The following COL19A1 variants were observed in gnomAD, a reference collection of about 807,000 sequenced individuals.
COL19A1 encodes the protein collagen alpha-1(XIX) chain.
In COL19A1, 159 loss-of-function variants were observed where a neutral mutation model predicts 190.2. That is an observed-to-expected ratio of 0.84 (90% CI 0.73 to 0.95). COL19A1 has a LOEUF of 0.95. Ranked by LOEUF, COL19A1 falls within the 40% of genes least tolerant of loss-of-function variation. COL19A1 has a pLI of 0.00. For synonymous variants in COL19A1, 509 were observed against 458.9 expected (o/e 1.11, Z -1.39); for missense variants, 1,418 against 1,431.9 (o/e 0.99, Z 0.16).
chr6:70,178,390 A>C (rs1765947672), intron 42 of COL19A1, among the ~76,000 whole-genome samples: 1 of 152,194 alleles, frequency 6.6e-6, no homozygotes. Flanking sequence ...AATAAAATAA[A>C]ATAAAAGCAC....
intron 2 of COL19A1, among the ~76,000 whole-genome samples, chr6:69,897,813 C>A (rs1769894769): frequency 6.6e-6 from 1 of 152,142 alleles, no homozygotes; most frequent in Non-Finnish European, 1.5e-5. Context: ...TAAGTAATAT[C>A]TAAAAGTACT....
At chr6:70,110,005 C>T (rs917313752) in intron 16 of COL19A1, among the ~76,000 whole-genome samples, 7 of 152,104 alleles carry the variant, frequency 4.6e-5, no homozygotes, top group Non-Finnish European at 1.0e-4. Context: ...GAGTATCTTC[C>T]GTCTCCAACT....
intron 12 of COL19A1, among the ~76,000 whole-genome samples, chr6:70,029,365 T>C (rs1778900968): frequency 6.6e-6 from 1 of 152,186 alleles, no homozygotes; most frequent in African/African-American, 2.4e-5. Context: ...TCTTCAGCTT[T>C]TGTCTTGCCT....
At chr6:70,146,305 C>T (rs1038019355) in intron 25 of COL19A1, among the ~76,000 whole-genome samples, 2 of 152,220 alleles carry the variant, frequency 1.3e-5, no homozygotes, top group South Asian at 4.1e-4. Context: ...GTGACCCAGA[C>T]TATTCCCAGG....
At chr6:69,936,079 C>A (rs16868370) in intron 7 of COL19A1, among the ~76,000 whole-genome samples, 2,326 of 152,142 alleles carry the variant, frequency 0.015, 62 homozygotes, top group African/African-American at 0.046. Flanking sequence ...AAGTCTGGTA[C>A]ATGATGTTGA....
intron 5 of COL19A1, 134 bp from the exon 6 acceptor site, chr6:69,929,291 A>T: frequency 2.4e-6 from 2 of 840,990 alleles, no homozygotes; most frequent in Non-Finnish European, 3.6e-6. Flanking sequence ...AACCTGGTGG[A>T]CACAAGTGTC....
At chr6:70,023,133 A>ATTT (rs11383774) in intron 11 of COL19A1, among the ~76,000 whole-genome samples, 3 of 110,100 alleles carry the variant, frequency 2.7e-5, no homozygotes, top group Non-Finnish European at 4.0e-5. Context: ...TTATGCAGCT[A>ATTT]TTTTTTTTTT....
intron 14 of COL19A1, among the ~76,000 whole-genome samples, chr6:70,042,758 A>G (rs1394804462): frequency 6.6e-6 from 1 of 152,206 alleles, no homozygotes; most frequent in Non-Finnish European, 1.5e-5. Flanking sequence ...TATCAACTAA[A>G]TATATATAAT....
At chr6:70,067,525 A>G (rs1245679575) in intron 14 of COL19A1, among the ~76,000 whole-genome samples, 1 of 152,046 alleles carries the variant, frequency 6.6e-6, no homozygotes, top group Non-Finnish European at 1.5e-5. Flanking sequence ...GATGCCTGTG[A>G]GGTAGCAGTG....
intron 11 of COL19A1, among the ~76,000 whole-genome samples, chr6:70,000,309 A>G (rs1252698449): frequency 6.6e-6 from 1 of 152,182 alleles, no homozygotes; most frequent in African/African-American, 2.4e-5. Flanking sequence ...TGCTACTGTA[A>G]GTAGTGCTGC....
intron 40 of COL19A1, among the ~76,000 whole-genome samples, chr6:70,169,511 A>C (rs1008327101): frequency 6.6e-6 from 1 of 152,190 alleles, no homozygotes; most frequent in African/African-American, 2.4e-5. Flanking sequence ...TAAATTTTAA[A>C]CCAGCAAAGG....
At chr6:69,910,646 A>T (rs1770851213) in intron 4 of COL19A1, among the ~76,000 whole-genome samples, 1 of 152,180 alleles carries the variant, frequency 6.6e-6, no homozygotes, top group Admixed American at 6.5e-5. Context: ...TCTAATAGGC[A>T]TTGATTAATC....
intron 49 of COL19A1, among the ~76,000 whole-genome samples, chr6:70,205,742 T>A (rs866435426): frequency 1.4e-4 from 21 of 152,356 alleles, no homozygotes; most frequent in African/African-American, 4.6e-4. Flanking sequence ...GCAGGGATAA[T>A]GACTTCCAGA....
chr6:69,941,784 G>A (rs892012190), intron 9 of COL19A1, among the ~76,000 whole-genome samples: 2 of 151,646 alleles, frequency 1.3e-5, no homozygotes, highest in Non-Finnish European at 2.9e-5. Context: ...CGCCTCCCGG[G>A]TTCAAGCGAT....
intron 2 of COL19A1, among the ~76,000 whole-genome samples, chr6:69,896,372 C>T (rs1769745736): frequency 2.0e-5 from 3 of 151,218 alleles, no homozygotes; most frequent in South Asian, 2.1e-4. Flanking sequence ...CCCGTCTCTA[C>T]TAAAAATACA....
chr6:70,000,368 C>A (rs1777188982), intron 11 of COL19A1, among the ~76,000 whole-genome samples: 1 of 152,052 alleles, frequency 6.6e-6, no homozygotes, highest in African/African-American at 2.4e-5. Context: ...ATTTATATTC[C>A]TTTGGGTATA....
At chr6:70,100,221 G>C (rs1463148837) in intron 15 of COL19A1, among the ~76,000 whole-genome samples, 1 of 152,124 alleles carries the variant, frequency 6.6e-6, no homozygotes, top group East Asian at 1.9e-4. Context: ...CATTGATTTA[G>C]TTTCTTTGTG....
chr6:70,058,498 CCT>C (rs1780637556), intron 14 of COL19A1, among the ~76,000 whole-genome samples: 1 of 151,950 alleles, frequency 6.6e-6, no homozygotes, highest in East Asian at 1.9e-4. Context: ...TTTGTCAAGG[CCT>C]TTATTAGTGT....
At chr6:70,159,966 A>T (rs1159477304) in intron 34 of COL19A1, among the ~76,000 whole-genome samples, 1 of 152,112 alleles carries the variant, frequency 6.6e-6, no homozygotes, top group Admixed American at 6.6e-5. Flanking sequence ...TTTTTCTCAT[A>T]ATAGAAGTGA....
Sources: gnomAD v4.1 joint callset for allele counts (sites outside exome capture counted in the v4.1 genomes callset) on GRCh38, gnomAD v4.1.1 for gene constraint, MANE v1.5 for transcripts, NCBI Gene and HGNC (gene_info 2026-07-23, HGNC 2026-07-21) for gene names.